Variants in SLC2A7 observed in about 807,000 individuals in gnomAD.
SLC2A7 encodes the protein solute carrier family 2, facilitated glucose transporter member 7.
In SLC2A7, 50 loss-of-function variants were observed where a neutral mutation model predicts 50.5. That is an observed-to-expected ratio of 0.99 (90% CI 0.79 to 1.25). SLC2A7 has a LOEUF of 1.25. Ranked by LOEUF, SLC2A7 falls within the 50% of genes most tolerant of loss-of-function variation. The pLI is 0.00. For synonymous variants in SLC2A7, 308 were observed against 300.4 expected (o/e 1.03, Z -0.26); for missense variants, 683 against 679.1 (o/e 1.01, Z -0.06).
At chr1:9,010,093 C>G in intron 9 of SLC2A7, 50 bp downstream of exon 9, 1 of 1,471,354 alleles carries the variant, frequency 6.8e-7, no homozygotes, top group Non-Finnish European at 9.3e-7. Flanking sequence ...CAGGGGACCT[C>G]CCACCCTCCC....
At position 9,022,986 on chromosome 1, in the gene SLC2A7, G is replaced by A; in HGVS notation, c.243C>T (p.Val81=). Residue 81 remains valine, a synonymous_variant, in exon 3 of 12, where the codon GTC becomes GTT. Transcript: ENST00000400906. ...KLMLLLWSCT[V]SMFPLGGLLG... is the part of the protein sequence containing the mutation. ...ACAGGCCGCCCAGAGGAAACATGGA[G>A]ACGGTGCAAGACCATAGAAGCAGCA... 6.2e-7 allele frequency: 1 copy of A among 1,614,202 alleles called. No individual in the cohort carries two copies. The highest frequency in any genetic ancestry group is 8.5e-7 in the Non-Finnish European group (1 of 1,180,028).
At position 9,026,303 on chromosome 1, in the gene SLC2A7, T is replaced by A; in HGVS notation, c.43A>T (p.Arg15Trp). 1.2e-6 allele frequency: 2 copies of A among 1,609,406 alleles called. No individual in the cohort carries two copies. The highest frequency in any genetic ancestry group is 1.3e-5 in the African/African-American group (1 of 75,006). ...EAGTPPPIPS[R>W]EGRLQPTLLL... ...CTAGTCTTGGCACTTACCCCCTCCC[T>A]GGATGGAATGGGTGGAGGGGTTCCC... The change falls in exon 1 of 12, where the codon AGG (arginine) becomes TGG (tryptophan). Residue 15 changes from arginine to tryptophan, a missense_variant. Physicochemically the swap from Arg to Trp is moderately radical, Grantham distance 101 (BLOSUM62 -3). Coordinates refer to ENST00000400906, the MANE Select transcript of SLC2A7 (RefSeq NM_207420.3).
chr1:9,007,163 C>A, intron 10 of SLC2A7, 147 bp downstream of exon 10: 1 of 894,296 alleles, frequency 1.1e-6, no homozygotes, highest in Non-Finnish European at 1.8e-6. Context: ...GCCATCAAGG[C>A]TGAGAACTAA....
Position 9,014,815 on chromosome 1 carries a change from G to T in SLC2A7, c.769C>A (p.Arg257Ser), listed in dbSNP as rs766692718. ...GCGCGCTCGGCCCGGGCCTCCGCAC[G>T]CATGTCCTCCAGCTCGGCCTCCATG... is the stretch of plus-strand genomic sequence containing the variant. ...TDMEAELEDM[R>S]AEARAERAEG... The change falls in exon 7 of 12, where the codon CGT (arginine) becomes AGT (serine). Residue 257 changes from arginine (R) to serine (S), a missense_variant. Transcript: ENST00000400906. 4 of 1,605,360 alleles carry T rather than the reference G, an allele frequency of 2.5e-6. No homozygotes were observed. Among genetic ancestry groups the T allele is most frequent in the East Asian group, 2.3e-5 (1 of 44,440 alleles).
chr1:9,007,913 C>G (rs1400176965), intron 9 of SLC2A7, among the ~76,000 whole-genome samples: 1 of 151,968 alleles, frequency 6.6e-6, no homozygotes, highest in Non-Finnish European at 1.5e-5. Context: ...ATGATTGTTT[C>G]AGTTCCACAA....
chr1:9,022,985 A>G lies in SLC2A7; in HGVS notation c.244T>C (p.Ser82Pro), dbSNP rs1224449531. 8.7e-6 allele frequency: 14 copies of G among 1,614,054 alleles called. No individual in the cohort carries two copies. The highest frequency in any genetic ancestry group is 1.2e-5 in the Non-Finnish European group (14 of 1,180,016). The change falls in exon 3 of 12, where the codon TCC becomes CCC. Residue 82 changes from serine to proline, a missense_variant. Coordinates refer to ENST00000400906, the MANE Select transcript of SLC2A7 (RefSeq NM_207420.3). ...LMLLLWSCTV[S>P]MFPLGGLLGS... ...AACAGGCCGCCCAGAGGAAACATGGAGACGGTGCAAGACCATAGAAGCAGC... is the reference window on the plus strand; with the variant it reads ...AACAGGCCGCCCAGAGGAAACATGGGGACGGTGCAAGACCATAGAAGCAGC...
chr1:9,000,844 C>T (rs1640564418), downstream of SLC2A7, among the ~76,000 whole-genome samples: 1 of 151,568 alleles, frequency 6.6e-6, no homozygotes, highest in African/African-American at 2.4e-5. Flanking sequence ...GTGAGGAGCC[C>T]AGGCTGAGTG....
intron 11 of SLC2A7, among the ~76,000 whole-genome samples, chr1:9,004,104 A>G (rs1357560458): frequency 6.6e-6 from 1 of 151,834 alleles, no homozygotes. Context: ...GCTCACACCT[A>G]TAATCCCAGC....
intron 2 of SLC2A7, among the ~76,000 whole-genome samples, chr1:9,024,436 A>T (rs1009599304): frequency 1.3e-5 from 2 of 152,200 alleles, no homozygotes; most frequent in South Asian, 4.1e-4. Context: ...GTAAGCATAG[A>T]CGTATACCAA....
chr1:9,000,173 G>A (rs938701910), downstream of SLC2A7, among the ~76,000 whole-genome samples: 5 of 152,112 alleles, frequency 3.3e-5, no homozygotes, highest in Admixed American at 3.3e-4. Context: ...CTATTCAAAA[G>A]GGGCCAGGTG....
rs200515850 is a variant in SLC2A7, at chr1:9,007,347, A to C, written c.1155T>G (p.Cys385Trp). ...VPELSYLGII[C>W]VFAYIAGHSI... ...AATGTCCCGCGATGTAGGCAAAGAC[A>C]CAGATGATGCCGAGGTAGGACAGCT... Residue 385 changes from cysteine to tryptophan, a missense_variant, in exon 10 of 12, where the codon TGT becomes TGG. Transcript: ENST00000400906. The C allele has an allele frequency of 1.2e-5, 19 of 1,614,130 alleles. No homozygotes were observed. Among genetic ancestry groups the C allele is most frequent in the Non-Finnish European group, 1.6e-5 (19 of 1,180,046 alleles).
At chr1:9,006,670 T>C (rs564980193) in intron 10 of SLC2A7, among the ~76,000 whole-genome samples, 48 of 152,298 alleles carry the variant, frequency 3.2e-4, no homozygotes, top group African/African-American at 1.1e-3. Flanking sequence ...AATACCTTCA[T>C]TTTGGTTTAT....
chr1:9,020,317 C>T (rs1010268848), intron 3 of SLC2A7, among the ~76,000 whole-genome samples: 1 of 152,330 alleles, frequency 6.6e-6, no homozygotes, highest in African/African-American at 2.4e-5. Context: ...CTAGACTAGA[C>T]ACGATGACTG....
intron 10 of SLC2A7, 40 bp downstream of exon 10, chr1:9,007,270 A>G: frequency 6.2e-7 from 1 of 1,607,204 alleles, no homozygotes; most frequent in South Asian, 1.1e-5. Context: ...CCAGGAATGG[A>G]CCAGGATGGC....
chr1:9,023,393 G>A (rs760482002), intron 2 of SLC2A7, among the ~76,000 whole-genome samples: 8 of 152,060 alleles, frequency 5.3e-5, no homozygotes, highest in Non-Finnish European at 1.0e-4. Context: ...AGATCATGAA[G>A]TCAGGAGATC....
At position 9,013,486 on chromosome 1, in the gene SLC2A7, G is replaced by C. The variant is rs143483418; in HGVS notation, c.1014+39C>G. ...CTGTCTGCCTGGCGGCACCTGGCCA[G>C]AGACCCTCCAGCAGGAAGGATGCCT... On this transcript the variant is annotated intron_variant, in intron 8 of 11. Transcript: ENST00000400906. The C allele has an allele frequency of 2.5e-6, 4 of 1,586,026 alleles. No homozygotes were observed. In the East Asian group the frequency reaches 9.0e-5, roughly 36 times the overall value.
the SLC2A7 span, among the ~76,000 whole-genome samples, chr1:8,994,603 C>T: frequency 6.6e-6 from 1 of 152,158 alleles, no homozygotes; most frequent in African/African-American, 2.4e-5. Flanking sequence ...ACCTTGATCT[C>T]AAAGGCTGCA....
At chr1:9,006,335 A>G (rs933010589) in intron 10 of SLC2A7, among the ~76,000 whole-genome samples, 5 of 152,052 alleles carry the variant, frequency 3.3e-5, no homozygotes, top group Non-Finnish European at 5.9e-5. Context: ...GCTTACTGCA[A>G]CCTCTGGGTT....
At chr1:9,002,765 C>G (rs561301482), downstream of SLC2A7, among the ~76,000 whole-genome samples, 1 of 152,232 alleles carries the variant, frequency 6.6e-6, no homozygotes, top group Non-Finnish European at 1.5e-5. Flanking sequence ...CTCATCCCAC[C>G]TGACGAGAAA....
Sources: allele counts gnomAD v4.1 joint callset (sites outside exome capture counted in the v4.1 genomes callset), GRCh38; gene constraint gnomAD v4.1.1; transcripts MANE v1.5; gene names NCBI Gene and HGNC (gene_info 2026-07-23, HGNC 2026-07-21).